Variants in NDUFB6 observed in about 807,000 individuals in gnomAD.
NDUFB6 encodes the protein NADH dehydrogenase [ubiquinone] 1 beta subcomplex subunit 6.
A neutral mutation model predicts 17.5 loss-of-function variants in NDUFB6; 23 were observed. The ratio of observed to expected loss-of-function variants is 1.31; its 90% confidence interval spans 0.94 to 1.86. The LOEUF (loss-of-function observed/expected upper bound fraction) is 1.86. Ranked by LOEUF, NDUFB6 falls within the 40% of genes most tolerant of loss-of-function variation. NDUFB6 has a pLI of 0.00. For missense variants in NDUFB6, 167 were observed against 153.8 expected (o/e 1.09, Z -0.46); for synonymous variants, 60 against 53.5 (o/e 1.12, Z -0.53).
intron 2 of NDUFB6, among the ~76,000 whole-genome samples, 191 bp downstream of exon 2, chr9:32,570,769 C>G (rs1821918668): frequency 6.6e-6 from 1 of 151,114 alleles, no homozygotes; most frequent in South Asian, 2.1e-4. Flanking sequence ...AAGTTGTAAA[C>G]TAGTGACAAT....
chr9:32,557,149 C>T (rs771054932), intron 3 of NDUFB6, among the ~76,000 whole-genome samples: 11 of 142,566 alleles, frequency 7.7e-5, no homozygotes, highest in Admixed American at 5.1e-4. Flanking sequence ...TTAGCCACCG[C>T]GCCTGGCCCC....
At chr9:32,567,952 AG>A (rs1341926916) in intron 2 of NDUFB6, 3 of 168,256 alleles carry the variant, frequency 1.8e-5, no homozygotes, top group African/African-American at 7.2e-5. Flanking sequence ...TGGTAGGCTG[AG>A]GCAGGAGAAT....
chr9:32,566,503 G>A (rs964029269), intron 2 of NDUFB6: 11 of 777,922 alleles, frequency 1.4e-5, no homozygotes, highest in South Asian at 5.4e-5. Flanking sequence ...CTAGCCTTCC[G>A]GTGTGCAGAG....
At chr9:32,569,123 T>C (rs759653984) in intron 2 of NDUFB6, among the ~76,000 whole-genome samples, 1 of 152,164 alleles carries the variant, frequency 6.6e-6, no homozygotes, top group Non-Finnish European at 1.5e-5. Flanking sequence ...TCAGCAGTTA[T>C]CAACATGGAA....
In NDUFB6 at chr9:32,571,037, T is replaced by C; in HGVS notation, c.196A>G (p.Lys66Glu). 6.2e-7 allele frequency: 1 copy of C among 1,603,650 alleles called. No individual in the cohort carries two copies. Among genetic ancestry groups the C allele is most frequent in the Non-Finnish European group, 8.5e-7 (1 of 1,173,686 alleles). The change falls in exon 2 of 4, where the codon AAA becomes GAA. Residue 66 changes from lysine (K) to glutamate (E), a missense_variant. Coordinates refer to ENST00000379847, the MANE Select transcript of NDUFB6 (RefSeq NM_002493.5). ...TGAGTGAAAACAAAGATACTCTTTT[T>C]GTATACCCCATGGACCTGGGGGGAA... ...PWRKMVHGVY[K>E]KSIFVFTHVL...
chr9:32,566,710 T>C lies in NDUFB6; in HGVS notation c.273+4250A>G, dbSNP rs189826085. 3.1e-5 allele frequency: 26 copies of C among 850,926 alleles called. No individual in the cohort carries two copies. In the East Asian group the frequency reaches 6.4e-4, roughly 21 times the overall value. 52.7% of individuals were successfully genotyped at this position (850,926 alleles called of 1,614,324 possible). On this transcript the variant is annotated intron_variant, in intron 2 of 3. Coordinates refer to ENST00000379847, the MANE Select transcript of NDUFB6 (RefSeq NM_002493.5). The stretch of plus-strand genomic sequence containing the variant: ...CTGTATCTCAGATAGCCAGACTTAT[T>C]CCAAAATCGGGACTCCAAGCCTTCA...
chr9:32,570,870 C>A, intron 2 of NDUFB6, 90 bp downstream of exon 2: 1 of 748,170 alleles, frequency 1.3e-6, no homozygotes, highest in South Asian at 2.3e-5. Context: ...TTATAAGTGG[C>A]AGATTATTTC....
rs17290697 is a variant in NDUFB6, at chr9:32,555,060, A to G, written c.319-1116T>C. Among the ~76,000 whole-genome samples, 528 of 151,986 alleles carry G rather than the reference A, an allele frequency of 3.5e-3. 1 individual carries two copies. Among genetic ancestry groups the G allele is most frequent in the African/African-American group, 7.7e-3 (320 of 41,484 alleles). ...ATAAAAATGGAGAGGACGAGAGAACACTTTGGTGCACGCTAGAGACTTTCT... is the reference window on the plus strand; with the variant it reads ...ATAAAAATGGAGAGGACGAGAGAACGCTTTGGTGCACGCTAGAGACTTTCT... On this transcript the variant is annotated intron_variant, in intron 3 of 3. Transcript: ENST00000379847.
chr9:32,558,894 A>C lies in NDUFB6; in HGVS notation c.318+16T>G. Reference sequence around the variant, plus strand: ...AAACAATAAACAAAAGAAAAATCAGAAGTGTTAAGACTTACAGGGAATATT... The same window carrying C: ...AAACAATAAACAAAAGAAAAATCAGCAGTGTTAAGACTTACAGGGAATATT... On this transcript the variant is annotated intron_variant, in intron 3 of 3. Transcript: ENST00000379847. 1 of 1,499,238 alleles carries C rather than the reference A, an allele frequency of 6.7e-7. No individual in the cohort carries two copies. 92.9% of individuals were successfully genotyped at this position (1,499,238 alleles called of 1,614,324 possible). A position where few individuals can be genotyped will look rare whatever the true frequency, so the allele number is the denominator to read the frequency against.
chr9:32,566,572 G>A (rs556352577), intron 2 of NDUFB6: 1 of 782,090 alleles, frequency 1.3e-6, no homozygotes, highest in East Asian at 2.4e-5. Flanking sequence ...ACAGACTGGA[G>A]CTTCTGGCAC....
chr9:32,561,308 C>A (rs572291943), intron 2 of NDUFB6, among the ~76,000 whole-genome samples: 1 of 152,158 alleles, frequency 6.6e-6, no homozygotes, highest in Admixed American at 6.5e-5. Context: ...GCAGCACACG[C>A]TCCTAAAAAA....
chr9:32,572,854 G>T, intron 1 of NDUFB6, 27 bp downstream of exon 1: 4 of 1,530,614 alleles, frequency 2.6e-6, no homozygotes, highest in Non-Finnish European at 3.5e-6. Context: ...GATGTGTTGG[G>T]GGGGACCGGA....
intron 1 of NDUFB6, 49 bp downstream of exon 1, chr9:32,572,832 C>A: frequency 6.8e-7 from 1 of 1,478,008 alleles, no homozygotes; most frequent in Non-Finnish European, 9.0e-7. Flanking sequence ...TTCAGGCTGC[C>A]GGCAGCAGTG....
rs536708563 is a variant in NDUFB6 at position 32,569,225 on chromosome 9, C to T, written c.273+1735G>A. Among the ~76,000 whole-genome samples, 3 of 151,760 alleles carry T rather than the reference C, an allele frequency of 2.0e-5. No individual in the cohort carries two copies. In the East Asian group the frequency reaches 5.9e-4, roughly 30 times the overall value. On this transcript the variant is annotated intron_variant, in intron 2 of 3. Coordinates refer to ENST00000379847, the MANE Select transcript of NDUFB6 (RefSeq NM_002493.5). Reference sequence around the variant, plus strand: ...TTAGCAATGAAGTTTTTGTTTTTTTCTTTTTCTTTTTTGAGACGGAGTCTC... The same window carrying T: ...TTAGCAATGAAGTTTTTGTTTTTTTTTTTTTCTTTTTTGAGACGGAGTCTC...
Position 32,571,038 on chromosome 9 carries a change from G to GTA in NDUFB6, c.193_194dup (p.Lys66ThrfsTer22). 1 of 1,602,218 alleles carries GTA rather than the reference G, an allele frequency of 6.2e-7. No homozygotes were observed. The highest frequency in any genetic ancestry group is 2.3e-5 in the East Asian group (1 of 44,274). Reference sequence around the variant, plus strand: ...GAGTGAAAACAAAGATACTCTTTTTGTATACCCCATGGACCTGGGGGGAAA... The same window carrying GTA: ...GAGTGAAAACAAAGATACTCTTTTTGTATATACCCCATGGACCTGGGGGGAAA... On this transcript the variant is annotated frameshift_variant, in exon 2 of 4. Coordinates refer to ENST00000379847, the MANE Select transcript of NDUFB6 (RefSeq NM_002493.5). LOFTEE classifies it high-confidence loss of function.
At chr9:32,568,472 T>A in intron 2 of NDUFB6, 1 of 218,924 alleles carries the variant, frequency 4.6e-6, no homozygotes, top group Non-Finnish European at 1.0e-5. Context: ...TTTCGAATAT[T>A]ACATAATCTT....
intron 3 of NDUFB6, among the ~76,000 whole-genome samples, chr9:32,556,978 G>A (rs144407311): frequency 3.6e-3 from 527 of 146,728 alleles, no homozygotes; most frequent in Middle Eastern, 7.5e-3. Flanking sequence ...CAGCCTCCCC[G>A]GTAGCTAGGA....
chr9:32,561,614 C>T (rs1244571203), intron 2 of NDUFB6, among the ~76,000 whole-genome samples: 1 of 152,168 alleles, frequency 6.6e-6, no homozygotes, highest in Non-Finnish European at 1.5e-5. Context: ...CAAGCATGAG[C>T]CACCACACCC....
intron 2 of NDUFB6, chr9:32,566,758 G>T: frequency 1.1e-6 from 1 of 906,118 alleles, no homozygotes. Context: ...TCCTCAGCCC[G>T]GGTGTCGGCT....
Sources: allele counts gnomAD v4.1 joint callset (sites outside exome capture counted in the v4.1 genomes callset), GRCh38; gene constraint gnomAD v4.1.1; transcripts MANE v1.5; gene names NCBI Gene and HGNC (gene_info 2026-07-23, HGNC 2026-07-21).